GPHN: variants seen among roughly 807,000 people sequenced by gnomAD.
The protein encoded by GPHN is gephyrin.
A neutral mutation model predicts 95.5 loss-of-function variants in GPHN; 17 were observed. The observed-to-expected ratio is 0.18, with a 90% CI of 0.12 to 0.27. The LOEUF is 0.27. Ranked by LOEUF, GPHN falls within the 10% of genes least tolerant of loss-of-function variation. GPHN has a pLI of 1.00. For synonymous variants in GPHN, 320 were observed against 322.5 expected (o/e 0.99, Z 0.08); for missense variants, 660 against 978.1 (o/e 0.67, Z 4.34).
At chr14:67,473,741 C>T in the GPHN span, 3 of 1,613,076 alleles carry the variant, frequency 1.9e-6, no homozygotes, top group Non-Finnish European at 2.5e-6. The surrounding 1 kb of genome is among the most constrained non-coding windows in gnomAD (Gnocchi z 6.5). Flanking sequence ...GGTACATGCG[C>T]TCCACGATGA....
chr14:67,396,614 A>C, the GPHN span, among the ~76,000 whole-genome samples: 4 of 152,170 alleles, frequency 2.6e-5, no homozygotes, highest in Non-Finnish European at 5.9e-5. Flanking sequence ...CTCTGCATGC[A>C]TTCTCTTCTT....
chr14:66,815,955 A>T (rs2060948396), intron 3 of GPHN, among the ~76,000 whole-genome samples: 1 of 152,194 alleles, frequency 6.6e-6, no homozygotes, highest in East Asian at 1.9e-4. Flanking sequence ...AAAAAAAGGG[A>T]TGGAAACAAA....
chr14:67,716,457 T>C, the GPHN span, among the ~76,000 whole-genome samples: 1 of 152,266 alleles, frequency 6.6e-6, no homozygotes, highest in Non-Finnish European at 1.5e-5. Context: ...ATAAAAAATT[T>C]TCATTTTGAA....
intron 8 of GPHN, among the ~76,000 whole-genome samples, chr14:66,926,306 A>C (rs1284929492): frequency 6.6e-6 from 1 of 152,142 alleles, no homozygotes; most frequent in African/African-American, 2.4e-5. Flanking sequence ...TTACTCAAGA[A>C]ATCTTTGCCC....
chr14:67,582,228 AAGCAGG>A, the GPHN span: 2 of 1,613,362 alleles, frequency 1.2e-6, no homozygotes, highest in Admixed American at 1.7e-5. The surrounding 1 kb of genome is among the most constrained non-coding windows in gnomAD (Gnocchi z 5.0). Flanking sequence ...TCTGTTCAGG[AAGCAGG>A]AGGGTCGGGT....
the GPHN span, among the ~76,000 whole-genome samples, chr14:67,273,790 T>G: frequency 1.3e-5 from 2 of 152,178 alleles, no homozygotes; most frequent in African/African-American, 4.8e-5. Context: ...ACCTGTTGTT[T>G]CCGACTTTTT....
At chr14:66,706,154 A>T (rs1272129989) in intron 2 of GPHN, among the ~76,000 whole-genome samples, 1 of 152,188 alleles carries the variant, frequency 6.6e-6, no homozygotes, top group Non-Finnish European at 1.5e-5. Context: ...GTTCAAGGAA[A>T]TAAGAGAGGA....
the GPHN span, among the ~76,000 whole-genome samples, chr14:67,668,741 G>A: frequency 6.6e-6 from 1 of 152,190 alleles, no homozygotes; most frequent in South Asian, 2.1e-4. Context: ...CTGGAGGGCT[G>A]TGAAAACACA....
intron 4 of GPHN, among the ~76,000 whole-genome samples, chr14:66,842,213 A>G (rs948079448): frequency 1.3e-5 from 2 of 152,134 alleles, no homozygotes; most frequent in African/African-American, 2.4e-5. Flanking sequence ...GATCACCAAG[A>G]TATTTACTGG....
intron 4 of GPHN, among the ~76,000 whole-genome samples, chr14:66,826,356 G>A (rs1416789278): frequency 6.6e-6 from 1 of 151,884 alleles, no homozygotes; most frequent in Non-Finnish European, 1.5e-5. Flanking sequence ...TTTTTTACTC[G>A]AACCAGCCAG....
the GPHN span, among the ~76,000 whole-genome samples, chr14:67,689,635 A>G: frequency 6.6e-6 from 1 of 152,128 alleles, no homozygotes; most frequent in African/African-American, 2.4e-5. Context: ...TTACATATGA[A>G]GAAGGAAGTC....
At chr14:66,723,825 T>C (rs1395973992) in intron 2 of GPHN, among the ~76,000 whole-genome samples, 1 of 152,162 alleles carries the variant, frequency 6.6e-6, no homozygotes, top group Non-Finnish European at 1.5e-5. Flanking sequence ...CCAGATCACA[T>C]GAACCTAAAA....
the GPHN span, chr14:67,717,889 C>A: frequency 2.6e-5 from 4 of 152,154 alleles, no homozygotes; most frequent in African/African-American, 9.7e-5. Flanking sequence ...CACAGTGAGA[C>A]CCTGTCTCTA....
At chr14:67,561,851 C>G in the GPHN span, 1 of 811,012 alleles carries the variant, frequency 1.2e-6, no homozygotes, top group Non-Finnish European at 1.9e-6. Context: ...GTCTGGCCAA[C>G]AGAGCAAGAC....
chr14:66,567,316 T>A (rs1176710568), intron 1 of GPHN, among the ~76,000 whole-genome samples: 1 of 152,200 alleles, frequency 6.6e-6, no homozygotes, highest in Non-Finnish European at 1.5e-5. Flanking sequence ...TTGGCAGCAG[T>A]GGCTCTAATG....
At chr14:67,670,675 C>G in the GPHN span, among the ~76,000 whole-genome samples, 3 of 152,010 alleles carry the variant, frequency 2.0e-5, no homozygotes, top group Non-Finnish European at 4.4e-5. Flanking sequence ...ACTACAGGCA[C>G]ATGCCACCAC....
intron 4 of GPHN, among the ~76,000 whole-genome samples, chr14:66,873,046 G>A (rs953916277): frequency 5.3e-5 from 8 of 152,212 alleles, no homozygotes; most frequent in Non-Finnish European, 8.8e-5. Flanking sequence ...AACGCAGTAG[G>A]CAGGTGATTG....
chr14:67,467,760 T>C, the GPHN span: 2 of 152,206 alleles, frequency 1.3e-5, no homozygotes, highest in African/African-American at 4.8e-5. Context: ...GGAAGGTCTC[T>C]GCTTATATTG....
At chr14:67,527,346 T>C in the GPHN span, among the ~76,000 whole-genome samples, 1 of 152,168 alleles carries the variant, frequency 6.6e-6, no homozygotes, top group African/African-American at 2.4e-5. Context: ...ATTAAGATGA[T>C]TCCTCTGTTT....
Sources: gnomAD v4.1 joint callset for allele counts (sites outside exome capture counted in the v4.1 genomes callset) on GRCh38, gnomAD v4.1.1 for gene constraint, Gnocchi (gnomAD v3.1) non-coding constraint, MANE v1.5 for transcripts, NCBI Gene and HGNC (gene_info 2026-07-23, HGNC 2026-07-21) for gene names.